The following ERICH3 variants were observed in gnomAD, a reference collection of about 807,000 sequenced individuals.
ERICH3 encodes the protein glutamate rich 3.
ERICH3 carries 126 observed loss-of-function variants against 131.1 expected under a neutral mutation model. That is an observed-to-expected ratio of 0.96 (90% confidence interval 0.83 to 1.11). ERICH3 has a LOEUF of 1.11. Ranked by LOEUF, ERICH3 falls within the 50% of genes most tolerant of loss-of-function variation. The pLI is 0.00. For synonymous variants in ERICH3, 695 were observed against 644.6 expected, an observed-to-expected ratio of 1.08 and a Z score of -1.18; for missense variants, 2,050 against 1,810.7, an observed-to-expected ratio of 1.13 and a Z score of -2.40.
chr1:74,616,380 A>G (rs759186756), intron 8 of ERICH3, among the ~76,000 whole-genome samples: 23 of 152,180 alleles, frequency 1.5e-4, no homozygotes, highest in Non-Finnish European at 2.4e-4. Flanking sequence ...ATTTAAAAGG[A>G]ACATAGAAGC....
At position 74,571,113 on chromosome 1, in the gene ERICH3, TCTC is replaced by T. The variant is rs776711990; in HGVS notation, c.*1_*3del. The T allele has an allele frequency of 1.2e-6, 2 of 1,609,278 alleles. No individual in the cohort carries two copies. Among genetic ancestry groups the T allele is most frequent in the Non-Finnish European group, 1.7e-6 (2 of 1,177,004 alleles). ...CTTAAACTCACTGTCTGCCAGCAAG[TCTC>T]CTAGACCTGCACGTTGTTGGGGGAA... On this transcript the variant is annotated 3_prime_UTR_variant, in exon 14 of 15. Coordinates refer to ENST00000326665, the MANE Select transcript of ERICH3 (RefSeq NM_001002912.5).
Position 74,572,386 on chromosome 1 carries a change from T to G in ERICH3, c.3324A>C (p.Glu1108Asp). ...CTTTTGTCTCTTCCTCAGCTCTTACTTCTGTCTCTGTTTCCCCTTCTTCCG... is the reference window on the plus strand; with the variant it reads ...CTTTTGTCTCTTCCTCAGCTCTTACGTCTGTCTCTGTTTCCCCTTCTTCCG... ...LKAEEGETET[E>D]VRAEEETKAP... is the part of the protein sequence containing the mutation. Residue 1108 changes from glutamate to aspartate, a missense_variant, in exon 14 of 15, where the codon GAA becomes GAC. Glu to Asp is a conservative substitution (Grantham distance 45). Transcript: ENST00000326665. 6.2e-7 allele frequency: 1 copy of G among 1,613,854 alleles called. No homozygotes were observed. Among genetic ancestry groups the G allele is most frequent in the South Asian group, 1.1e-5 (1 of 91,076 alleles).
chr1:74,606,196 T>C (rs78767316), intron 10 of ERICH3, among the ~76,000 whole-genome samples: 1 of 152,054 alleles, frequency 6.6e-6, no homozygotes, highest in Admixed American at 6.6e-5. Context: ...GCATACTCTA[T>C]CACCATATAA....
In ERICH3 at chr1:74,650,006, C is replaced by T. The variant is rs184740987; in HGVS notation, c.24-691G>A. Among the ~76,000 whole-genome samples the T allele has an allele frequency of 2.6e-5, 4 of 152,062 alleles. No homozygotes were observed. The East Asian group carries it at 7.7e-4, about 29-fold the overall frequency. On this transcript the variant is annotated intron_variant, in intron 1 of 14. Coordinates refer to ENST00000326665, the MANE Select transcript of ERICH3 (RefSeq NM_001002912.5). ...TCCTCTGCTAGATTTGAAGGCCAGG[C>T]CAGGATAGATCATTATTCTTGGTAT... is the stretch of plus-strand genomic sequence containing the variant.
In ERICH3 at chr1:74,640,545, C is replaced by A. The variant is rs554203897; in HGVS notation, c.444+786G>T. On this transcript the variant is annotated intron_variant, in intron 5 of 14. Transcript: ENST00000326665. ...AGGAAATATATTAGGCTACATAAAG[C>A]AAGAATAAAGACATAATCAAGCAAT... 2.0e-4 allele frequency among the ~76,000 whole-genome samples: 30 copies of A among 152,156 alleles called. No individual in the cohort carries two copies. In the East Asian group the frequency reaches 4.6e-3, roughly 24 times the overall value.
intron 7 of ERICH3, among the ~76,000 whole-genome samples, chr1:74,627,641 A>G (rs958345884): frequency 6.6e-6 from 1 of 152,084 alleles, no homozygotes; most frequent in Admixed American, 6.6e-5. Context: ...AGGAATATAT[A>G]TACACATATG....
chr1:74,574,023 C>T (rs1208792892), intron 13 of ERICH3, among the ~76,000 whole-genome samples: 16 of 147,562 alleles, frequency 1.1e-4, no homozygotes, highest in Admixed American at 9.5e-4. Context: ...CAGGGTCTCG[C>T]TGTGTCACCC....
intron 1 of ERICH3, among the ~76,000 whole-genome samples, chr1:74,668,396 C>T (rs1285555407): frequency 6.6e-6 from 1 of 152,148 alleles, no homozygotes; most frequent in African/African-American, 2.4e-5. Flanking sequence ...AAGTATTGCA[C>T]AGGTATTGAT....
intron 11 of ERICH3, among the ~76,000 whole-genome samples, chr1:74,595,889 A>G (rs1187730591): frequency 6.6e-6 from 1 of 152,076 alleles, no homozygotes; most frequent in Non-Finnish European, 1.5e-5. Flanking sequence ...CACACATATT[A>G]TATAGTCTTT....
chr1:74,595,245 G>A (rs1236522950), intron 11 of ERICH3, among the ~76,000 whole-genome samples: 2 of 152,078 alleles, frequency 1.3e-5, no homozygotes, highest in Non-Finnish European at 2.9e-5. Flanking sequence ...TTCATGTACA[G>A]TAATAGCTAA....
chr1:74,643,072 C>CG lies in ERICH3; in HGVS notation c.269_270insC (p.Lys90AsnfsTer8). 6.2e-7 allele frequency: 1 copy of CG among 1,611,118 alleles called. No homozygotes were observed. The highest frequency in any genetic ancestry group is 1.7e-4 in the Middle Eastern group (1 of 6,038). ...CCTTCCTAGCTAAGGTCTCCAATTT[C>CG]TTTTTTATTTCAAGCTGATGGTAAC... On this transcript the variant is annotated frameshift_variant, in exon 4 of 15. Transcript: ENST00000326665. LOFTEE classifies it high-confidence loss of function.
rs1212828900 is a variant in ERICH3, at chr1:74,620,755, T to C, written c.979A>G (p.Lys327Glu). 1 of 1,608,332 alleles carries C rather than the reference T, an allele frequency of 6.2e-7. No homozygotes were observed. The highest frequency in any genetic ancestry group is 2.2e-5 in the East Asian group (1 of 44,732). ...HCGGENLCVYKGKLLEKETFQ... is the reference protein window; with the variant it reads ...HCGGENLCVYEGKLLEKETFQ... Reference sequence around the variant, plus strand: ...GTACCTTTTTCAAGTAGTTTGCCTTTGTAGACACAAAGGTTTTCCCCACCA... The same window carrying C: ...GTACCTTTTTCAAGTAGTTTGCCTTCGTAGACACAAAGGTTTTCCCCACCA... The change falls in exon 8 of 15, where the codon AAA becomes GAA. Residue 327 changes from lysine to glutamate, a missense_variant. By Grantham distance (56) the Lys-to-Glu change is moderately conservative. Coordinates refer to ENST00000326665, the MANE Select transcript of ERICH3 (RefSeq NM_001002912.5).
chr1:74,590,949 T>C (rs1010451991), intron 11 of ERICH3, among the ~76,000 whole-genome samples: 5 of 152,226 alleles, frequency 3.3e-5, no homozygotes, highest in Non-Finnish European at 7.3e-5. Context: ...AATAATCCTT[T>C]GTCTCTTCAA....
At chr1:74,593,401 C>T (rs928800498) in intron 11 of ERICH3, among the ~76,000 whole-genome samples, 3 of 152,094 alleles carry the variant, frequency 2.0e-5, no homozygotes, top group African/African-American at 7.2e-5. Flanking sequence ...TTAATAGTTT[C>T]GACTTTGGTT....
Position 74,651,947 on chromosome 1 carries a change from C to T in ERICH3, c.24-2632G>A, listed in dbSNP as rs1038105910. ...GGGCTTCTACTAACAAATGTGTGCA[C>T]GATGCCTGTCCAGGCTTACAAATCG... On this transcript the variant is annotated intron_variant, in intron 1 of 14. Transcript: ENST00000326665. Among the ~76,000 whole-genome samples, 8 of 152,102 alleles carry T rather than the reference C, an allele frequency of 5.3e-5. No homozygotes were observed. The East Asian group carries it at 1.4e-3, about 26-fold the overall frequency.
intron 9 of ERICH3, among the ~76,000 whole-genome samples, chr1:74,607,744 A>C (rs1319534056): frequency 6.6e-6 from 1 of 152,020 alleles, no homozygotes; most frequent in Non-Finnish European, 1.5e-5. Flanking sequence ...TTTTAAATCA[A>C]TTATAACAAA....
chr1:74,597,197 G>A (rs541688179), intron 11 of ERICH3, among the ~76,000 whole-genome samples: 2 of 152,028 alleles, frequency 1.3e-5, no homozygotes, highest in South Asian at 2.1e-4. Flanking sequence ...CTTGTTCGCT[G>A]GATAAAATCT....
intron 1 of ERICH3, among the ~76,000 whole-genome samples, chr1:74,656,588 GT>G (rs1646587248): frequency 6.6e-6 from 1 of 152,134 alleles, no homozygotes; most frequent in Non-Finnish European, 1.5e-5. Flanking sequence ...TATCCATCAA[GT>G]AAAATGCTAG....
At chr1:74,608,783 TG>T (rs1464150828) in intron 9 of ERICH3, among the ~76,000 whole-genome samples, 1 of 152,104 alleles carries the variant, frequency 6.6e-6, no homozygotes, top group Non-Finnish European at 1.5e-5. Flanking sequence ...TTGCTTTCCT[TG>T]GAGTAAAGGT....
Sources: allele counts gnomAD v4.1 joint callset (sites outside exome capture counted in the v4.1 genomes callset), GRCh38; gene constraint gnomAD v4.1.1; transcripts MANE v1.5; gene names NCBI Gene and HGNC (gene_info 2026-07-23, HGNC 2026-07-21).